LIMK2: variants seen among roughly 807,000 people sequenced by gnomAD.
LIMK2 encodes the protein LIM domain kinase 2.
Under a neutral mutation model 75.7 loss-of-function variants are expected in LIMK2, and 35 were observed. That is an observed-to-expected ratio of 0.46 (90% confidence interval 0.35 to 0.61). The LOEUF is 0.61. Ranked by LOEUF, LIMK2 falls within the 20% of genes least tolerant of loss-of-function variation. LIMK2 has a pLI of 0.00. For missense variants in LIMK2, 623 were observed against 831.0 expected (o/e 0.75, Z 3.08); for synonymous variants, 301 against 319.2 (o/e 0.94, Z 0.61).
chr22:31,253,713 G>A (rs1483875206), intron 2 of LIMK2, among the ~76,000 whole-genome samples: 1 of 152,222 alleles, frequency 6.6e-6, no homozygotes, highest in African/African-American at 2.4e-5. Flanking sequence ...TATGTATTGG[G>A]CAGCTTTGCA....
intron 11 of LIMK2, among the ~76,000 whole-genome samples, chr22:31,268,740 A>G (rs553795587): frequency 5.3e-5 from 8 of 152,196 alleles, no homozygotes; most frequent in African/African-American, 1.9e-4. Flanking sequence ...AGTGCCCTCT[A>G]TATGCTAGGC....
chr22:31,275,964 G>A (rs185753449), intron 15 of LIMK2, among the ~76,000 whole-genome samples: 1 of 152,110 alleles, frequency 6.6e-6, no homozygotes, highest in African/African-American at 2.4e-5. Context: ...GGCTGGGCGC[G>A]ATGGCTCACA....
chr22:31,238,114 CAA>C (rs34428618), intron 2 of LIMK2, among the ~76,000 whole-genome samples: 7 of 80,536 alleles, frequency 8.7e-5, no homozygotes, highest in Non-Finnish European at 1.1e-4. Context: ...GACACTGTCT[CAA>C]AAAAAAAAAA....
At chr22:31,215,052 C>T (rs927963858) in intron 1 of LIMK2, among the ~76,000 whole-genome samples, 1 of 152,182 alleles carries the variant, frequency 6.6e-6, no homozygotes, top group African/African-American at 2.4e-5. Context: ...CCGCCTTGGA[C>T]TCCCAAAATG....
chr22:31,239,813 T>C (rs908440546), intron 2 of LIMK2, among the ~76,000 whole-genome samples: 1 of 152,192 alleles, frequency 6.6e-6, no homozygotes, highest in Non-Finnish European at 1.5e-5. Flanking sequence ...GGGTGAATGA[T>C]GTATTTGTTG....
chr22:31,278,250 C>CCCTGCTCATGTT, intron 15 of LIMK2, 47 bp from the exon 16 acceptor site: 6 of 1,555,366 alleles, frequency 3.9e-6, no homozygotes, highest in Non-Finnish European at 5.3e-6. Context: ...CACCCCATGG[C>CCCTGCTCATGTT]CCTGCTCATG....
chr22:31,235,758 A>G (rs954860877), intron 2 of LIMK2, among the ~76,000 whole-genome samples: 3 of 152,214 alleles, frequency 2.0e-5, no homozygotes, highest in African/African-American at 4.8e-5. Context: ...TCTTTTACTT[A>G]TAGGTGATTT....
At chr22:31,252,084 A>G (rs1463910470) in intron 2 of LIMK2, among the ~76,000 whole-genome samples, 1 of 152,218 alleles carries the variant, frequency 6.6e-6, no homozygotes, top group African/African-American at 2.4e-5. Flanking sequence ...CATAAGGTTG[A>G]GAATTTACCT....
intron 2 of LIMK2, among the ~76,000 whole-genome samples, chr22:31,247,521 A>C (rs2048682184): frequency 6.6e-6 from 1 of 152,158 alleles, no homozygotes; most frequent in Non-Finnish European, 1.5e-5. Flanking sequence ...TAGTGAGTGA[A>C]TGAGAGTAAC....
At chr22:31,240,605 G>A (rs2048616586) in intron 2 of LIMK2, among the ~76,000 whole-genome samples, 1 of 152,026 alleles carries the variant, frequency 6.6e-6, no homozygotes. Flanking sequence ...ATGTGTTTTA[G>A]TAGAGACGGG....
chr22:31,267,969 A>G, intron 10 of LIMK2, 62 bp downstream of exon 10: 3 of 1,571,428 alleles, frequency 1.9e-6, no homozygotes, highest in Non-Finnish European at 2.6e-6. Context: ...CTATGCTATC[A>G]CTACCCTAGG....
intron 2 of LIMK2, among the ~76,000 whole-genome samples, chr22:31,229,033 T>C (rs1225154572): frequency 6.6e-6 from 1 of 152,192 alleles, no homozygotes; most frequent in East Asian, 1.9e-4. Context: ...TATATACACC[T>C]ATATGTATAC....
chr22:31,275,350 G>A (rs868273116), intron 15 of LIMK2, 42 bp downstream of exon 15: 1 of 1,609,122 alleles, frequency 6.2e-7, no homozygotes, highest in African/African-American at 1.3e-5. Context: ...AGGGTCCTGG[G>A]ACGTTTGCCT....
chr22:31,249,767 G>A (rs2048707125), intron 2 of LIMK2, among the ~76,000 whole-genome samples: 3 of 152,172 alleles, frequency 2.0e-5, no homozygotes, highest in Admixed American at 2.0e-4. Flanking sequence ...GGGCAGAAAA[G>A]CAGTGCACCA....
Position 31,212,438 on chromosome 22 carries a change from G to T in LIMK2, c.16+14G>T, listed in dbSNP as rs554407427. On this transcript the variant is annotated intron_variant, in intron 1 of 15. Coordinates refer to ENST00000331728, the MANE Select transcript of LIMK2 (RefSeq NM_005569.4). Reference sequence around the variant, plus strand: ...CCGCGCTGGCGGGTAAGGAAGGGCTGCTCCGCCCTGTCCCGCTGTTATCTC... The same window carrying T: ...CCGCGCTGGCGGGTAAGGAAGGGCTTCTCCGCCCTGTCCCGCTGTTATCTC... 20 of 1,328,200 alleles carry T rather than the reference G, an allele frequency of 1.5e-5. No individual in the cohort carries two copies. In the South Asian group the frequency reaches 4.1e-4, roughly 27 times the overall value. The allele number at this position is 1,328,200 out of a possible 1,614,324, so 82.3% of individuals were successfully genotyped here.
intron 2 of LIMK2, among the ~76,000 whole-genome samples, chr22:31,236,311 A>C (rs890547575): frequency 6.7e-6 from 1 of 149,602 alleles, no homozygotes; most frequent in Admixed American, 6.7e-5. Context: ...AAAAAAAAAA[A>C]CAAACTGGAG....
chr22:31,277,239 G>A, intron 15 of LIMK2: 8 of 1,576,366 alleles, frequency 5.1e-6, no homozygotes, highest in Non-Finnish European at 6.9e-6. Context: ...GCCAGGCCTG[G>A]TTCCATGAGC....
At chr22:31,274,087 C>T (rs555133155) in intron 14 of LIMK2, among the ~76,000 whole-genome samples, 2 of 149,984 alleles carry the variant, frequency 1.3e-5, no homozygotes, top group East Asian at 3.9e-4. Flanking sequence ...GCAGATGAGA[C>T]TCAGAATTCC....
intron 2 of LIMK2, among the ~76,000 whole-genome samples, chr22:31,229,756 A>G (rs553763557): frequency 1.3e-5 from 2 of 152,132 alleles, no homozygotes; most frequent in East Asian, 1.9e-4. Flanking sequence ...TCTCCCTTAC[A>G]TTACCCCATT....
Sources: gnomAD v4.1 joint callset for allele counts (sites outside exome capture counted in the v4.1 genomes callset) on GRCh38, gnomAD v4.1.1 for gene constraint, MANE v1.5 for transcripts, NCBI Gene and HGNC (gene_info 2026-07-23, HGNC 2026-07-21) for gene names.